Variants in SLFN11 observed in about 807,000 individuals in gnomAD.
SLFN11 encodes the protein schlafen family member 11.
In SLFN11, 43 loss-of-function variants were observed where a neutral mutation model predicts 53.4. The observed-to-expected ratio is 0.80, with a 90% CI of 0.63 to 1.04. SLFN11 has a LOEUF of 1.04. SLFN11 is among the 50% of genes least tolerant of loss of function. The pLI, the probability that SLFN11 is intolerant of heterozygous loss-of-function variation, is 0.00. For missense variants in SLFN11, 990 were observed against 1,079.1 expected (o/e 0.92, Z 1.16); for synonymous variants, 389 against 394.7 (o/e 0.99, Z 0.17).
In SLFN11 at chr17:35,352,676, A is replaced by T. The variant is rs371750493; in HGVS notation, c.2386T>A (p.Cys796Ser). Residue 796 changes from cysteine (C) to serine (S), a missense_variant, in exon 7 of 7, where the codon TGC becomes AGC. Coordinates refer to ENST00000685675, the MANE Select transcript of SLFN11 (RefSeq NM_001376007.1). The part of the protein sequence containing the change: ...EQIMTCVADT[C>S]RRFFDRGYSP... ...TAGCCCCTATCAAAGAAGCGCCTGC[A>T]CGTGTCTGCCACACAGGTCATTATT... 2 of 1,613,890 alleles carry T rather than the reference A, an allele frequency of 1.2e-6. No individual in the cohort carries two copies. The highest frequency in any genetic ancestry group is 2.7e-5 in the African/African-American group (2 of 74,920).
chr17:35,360,170 A>T, intron 5 of SLFN11, 73 bp downstream of exon 5: 1 of 1,484,542 alleles, frequency 6.7e-7, no homozygotes, highest in East Asian at 2.3e-5. Flanking sequence ...TTTACAAAAC[A>T]AATATTATAG....
At chr17:35,369,738 C>T (rs1909421708) in intron 1 of SLFN11, among the ~76,000 whole-genome samples, 1 of 152,080 alleles carries the variant, frequency 6.6e-6, no homozygotes, top group Admixed American at 6.5e-5. Context: ...CTACTATGAG[C>T]AACTGTATGC....
In SLFN11 at chr17:35,352,845, C is replaced by G; in HGVS notation, c.2217G>C (p.Lys739Asn). ...RIVRNADPIA[K>N]YLQKEMQVIR... ...TTACTTGCATTTCTTTTTGTAAGTA[C>G]TTGGCTATTGGATCTGCATTGCGAA... The change falls in exon 7 of 7, where the codon AAG (lysine) becomes AAC (asparagine). Residue 739 changes from lysine to asparagine, a missense_variant. Around this residue, in one of 3 missense-constraint regions of SLFN11, gnomAD observed 313 missense variants for 320.9 expected, o/e 0.98. Coordinates refer to ENST00000685675, the MANE Select transcript of SLFN11 (RefSeq NM_001376007.1). 1 of 1,614,214 alleles carries G rather than the reference C, an allele frequency of 6.2e-7. No homozygotes were observed.
intron 5 of SLFN11, among the ~76,000 whole-genome samples, chr17:35,359,539 T>C (rs1907936402): frequency 6.6e-6 from 1 of 152,042 alleles, no homozygotes; most frequent in South Asian, 2.1e-4. Flanking sequence ...AAGACAGCAA[T>C]GGATTCCTAA....
At chr17:35,355,863 C>T (rs1236748811) in intron 5 of SLFN11, among the ~76,000 whole-genome samples, 2 of 152,250 alleles carry the variant, frequency 1.3e-5, no homozygotes, top group East Asian at 1.9e-4. Flanking sequence ...ACTCCTCACC[C>T]TCCCCAGAAC....
chr17:35,353,587 G>C lies in SLFN11; in HGVS notation c.1671C>G (p.Val557=). 8.3e-7 allele frequency: 1 copy of C among 1,208,568 alleles called. No homozygotes were observed. The highest frequency in any genetic ancestry group is 1.1e-6 in the Non-Finnish European group (1 of 892,866). 74.9% of individuals were successfully genotyped at this position (1,208,568 alleles called of 1,614,324 possible). Reference sequence around the variant, plus strand: ...TCAAGAGAGACCTGAAGCCGAGTAAGACAATCACGAGGGACTGCAGCAGGG... The same window carrying C: ...TCAAGAGAGACCTGAAGCCGAGTAACACAATCACGAGGGACTGCAGCAGGG... ...MEALLQSLVI[V]LLGFRSLLSD... The change falls in exon 6 of 7, where the codon GTC becomes GTG. Residue 557 remains valine (V), a synonymous_variant. Transcript: ENST00000685675.
chr17:35,371,865 G>A (rs1909715805), intron 1 of SLFN11, among the ~76,000 whole-genome samples: 1 of 152,070 alleles, frequency 6.6e-6, no homozygotes, highest in Admixed American at 6.5e-5. Context: ...CTCAAACAGT[G>A]TTGGTGGGAA....
At position 35,352,435 on chromosome 17, in the gene SLFN11, G is replaced by C; in HGVS notation, c.2627C>G (p.Ala876Gly). The change falls in exon 7 of 7, where the codon GCT (alanine) becomes GGT (glycine). Residue 876 changes from alanine (A) to glycine (G), a missense_variant. By Grantham distance (60) the Ala-to-Gly change is moderately conservative (BLOSUM62 0). Transcript: ENST00000685675. ...ACAGATCAGAACATTGGGTAAGATA[G>C]CTGGGTCAGCTGTCCTTGGATGGAT... ...FGIHPRTADP[A>G]ILPNVLICLA... The C allele has an allele frequency of 6.2e-7, 1 of 1,614,236 alleles. No homozygotes were observed. The highest frequency in any genetic ancestry group is 1.3e-5 in the African/African-American group (1 of 75,044).
chr17:35,353,067 G>C lies in SLFN11; in HGVS notation c.1995C>G (p.Ile665Met). 6.2e-7 allele frequency: 1 copy of C among 1,614,160 alleles called. No homozygotes were observed. Among genetic ancestry groups the C allele is most frequent in the Non-Finnish European group, 8.5e-7 (1 of 1,180,042 alleles). The change falls in exon 7 of 7, where the codon ATC becomes ATG. Residue 665 changes from isoleucine (I) to methionine (M), a missense_variant. Physicochemically the swap from Ile to Met is conservative, Grantham distance 10. This residue lies in a region of SLFN11 where 313 missense variants were observed against 320.9 expected (regional missense o/e 0.98). Coordinates refer to ENST00000685675, the MANE Select transcript of SLFN11 (RefSeq NM_001376007.1). ...LRENFEHIQH[I>M]VIDEAQNFRT... ...GGAAATTCTGAGCTTCGTCAATGAC[G>C]ATGTGTTGAATGTGTTCAAAGTTTT...
In SLFN11 at chr17:35,352,314, C is replaced by T; in HGVS notation, c.*42G>A. 2 of 1,598,384 alleles carry T rather than the reference C, an allele frequency of 1.3e-6. No individual in the cohort carries two copies. Among genetic ancestry groups the T allele is most frequent in the Non-Finnish European group, 1.7e-6 (2 of 1,169,162 alleles). ...AAGGTTTCTACCATCAGCAGACTGT[C>T]ACCCATAGACATTTACATAGCATTT... is the stretch of plus-strand genomic sequence containing the variant. On this transcript the variant is annotated 3_prime_UTR_variant, in exon 7 of 7. Transcript: ENST00000685675.
rs560500983 is a variant in SLFN11 at position 35,373,025 on chromosome 17, G to T, written c.-235+449C>A. On this transcript the variant is annotated intron_variant, in intron 1 of 6. Transcript: ENST00000685675. ...ATATTAAGGAAAATAGTTTAGAGTG[G>T]TTGGTCGGTCACATAGACAGCTGTA... 5.3e-5 allele frequency among the ~76,000 whole-genome samples: 8 copies of T among 152,180 alleles called. No homozygotes were observed. In the South Asian group the frequency reaches 1.5e-3, roughly 28 times the overall value.
rs1052808847 is a variant in SLFN11 at position 35,363,220 on chromosome 17, T to G, written c.588A>C (p.Lys196Asn). 6.2e-7 allele frequency: 1 copy of G among 1,614,082 alleles called. No homozygotes were observed. Among genetic ancestry groups the G allele is most frequent in the East Asian group, 2.2e-5 (1 of 44,882 alleles). Residue 196 changes from lysine (K) to asparagine (N), a missense_variant, in exon 4 of 7, where the codon AAA becomes AAC. By Grantham distance (94) the Lys-to-Asn change is moderately conservative (BLOSUM62 0). Transcript: ENST00000685675. Reference protein sequence around the residue: ...NSDPADLIFQKDYLEYGEILP... With the variant: ...NSDPADLIFQNDYLEYGEILP... ...GGATTTCACCATATTCAAGATAGTC[T>G]TTTTGGAAAATTAGGTCAGCAGGAT...
In SLFN11 at chr17:35,367,684, G is replaced by T. The variant is rs1909127732; in HGVS notation, c.-218C>A. On this transcript the variant is annotated 5_prime_UTR_variant, in exon 2 of 7. Coordinates refer to ENST00000685675, the MANE Select transcript of SLFN11 (RefSeq NM_001376007.1). Reference sequence around the variant, plus strand: ...CTTTCCACCAAAAGCAGTCCTGAAGGCTATGTATACAGAAACCTATGTAGA... The same window carrying T: ...CTTTCCACCAAAAGCAGTCCTGAAGTCTATGTATACAGAAACCTATGTAGA... The T allele has an allele frequency of 6.6e-6, 1 of 152,082 alleles. No homozygotes were observed. Among genetic ancestry groups the T allele is most frequent in the Non-Finnish European group, 1.5e-5 (1 of 68,006 alleles). The allele number at this position is 152,082 out of a possible 1,614,324, so 9.4% of individuals were successfully genotyped here.
rs1906769471 is a variant in SLFN11, at chr17:35,352,243, CTT to C, written c.*111_*112del. The C allele has an allele frequency of 7.3e-7, 1 of 1,375,826 alleles. No homozygotes were observed. Among genetic ancestry groups the C allele is most frequent in the Non-Finnish European group, 9.9e-7 (1 of 1,007,022 alleles). The allele number at this position is 1,375,826 out of a possible 1,614,324, so 85.2% of individuals were successfully genotyped here. A position where few individuals can be genotyped will look rare whatever the true frequency, so the allele number is the denominator to read the frequency against. On this transcript the variant is annotated 3_prime_UTR_variant, in exon 7 of 7. Transcript: ENST00000685675. Reference sequence around the variant, plus strand: ...GCCAGAAATGGGGGAGCTCCAAACTCTTTGTGTCAGCTCCGTCCAAATCTCTG... The same window carrying C: ...GCCAGAAATGGGGGAGCTCCAAACTCTGTGTCAGCTCCGTCCAAATCTCTG...
In SLFN11 at chr17:35,352,317, C is replaced by CCATTTA; in HGVS notation, c.*38_*39insTAAATG. ...GTTTCTACCATCAGCAGACTGTCACCCATAGACATTTACATAGCATTTTGA... is the reference window on the plus strand; with the variant it reads ...GTTTCTACCATCAGCAGACTGTCACCCATTTACATAGACATTTACATAGCATTTTGA... On this transcript the variant is annotated 3_prime_UTR_variant, in exon 7 of 7. Transcript: ENST00000685675. The CCATTTA allele has an allele frequency of 6.2e-7, 1 of 1,603,878 alleles. No individual in the cohort carries two copies. Among genetic ancestry groups the CCATTTA allele is most frequent in the Non-Finnish European group, 8.5e-7 (1 of 1,172,702 alleles).
At chr17:35,357,143 T>C (rs983133233) in intron 5 of SLFN11, among the ~76,000 whole-genome samples, 8 of 104,574 alleles carry the variant, frequency 7.7e-5, no homozygotes, top group African/African-American at 2.6e-4. Context: ...TCTGTGCGTG[T>C]GTGTGTGTGT....
At chr17:35,367,222 C>T (rs1024316746) in intron 2 of SLFN11, 159 bp from the exon 3 acceptor site, 2 of 152,030 alleles carry the variant, frequency 1.3e-5, no homozygotes, top group African/African-American at 4.8e-5. Flanking sequence ...ATATTCCTTT[C>T]GATGTACAGG....
Position 35,353,718 on chromosome 17 carries a change from C to G in SLFN11, c.1540G>C (p.Val514Leu). ...CTGCTCTCAGGACTCAGGCAGAGGA[C>G]CTTGGCCCTGACACACACCTTCCCG... ...YTGKVCVRAK[V>L]LCLSPESSAE... The change falls in exon 6 of 7, where the codon GTC (valine) becomes CTC (leucine). Residue 514 changes from valine to leucine, a missense_variant. This residue lies in a region of SLFN11 where 156 missense variants were observed against 241.9 expected (regional missense o/e 0.64). Transcript: ENST00000685675. The G allele has an allele frequency of 6.9e-7, 1 of 1,446,052 alleles. No individual in the cohort carries two copies. Among genetic ancestry groups the G allele is most frequent in the African/African-American group, 1.5e-5 (1 of 65,134 alleles). 89.6% of individuals were successfully genotyped at this position (1,446,052 alleles called of 1,614,324 possible).
Position 35,363,272 on chromosome 17 carries a change from T to C in SLFN11, c.536A>G (p.Asn179Ser). 1 of 1,614,040 alleles carries C rather than the reference T, an allele frequency of 6.2e-7. No homozygotes were observed. Among genetic ancestry groups the C allele is most frequent in the Non-Finnish European group, 8.5e-7 (1 of 1,179,988 alleles). ...IHKGVYQELP[N>S]SDPADPNSDP... ...CGAGTTTGGGTCAGCAGGATCCGAG[T>C]TAGGGAGCTCTTGGTATACACCCTT... is the stretch of plus-strand genomic sequence containing the variant. Residue 179 changes from asparagine to serine, a missense_variant, in exon 4 of 7, where the codon AAC (asparagine) becomes AGC (serine). Asn to Ser is a conservative substitution (Grantham distance 46, BLOSUM62 1). Around this residue, in one of 3 missense-constraint regions of SLFN11, gnomAD observed 521 missense variants for 516.2 expected, o/e 1.01. Coordinates refer to ENST00000685675, the MANE Select transcript of SLFN11 (RefSeq NM_001376007.1).
Sources: allele counts gnomAD v4.1 joint callset (sites outside exome capture counted in the v4.1 genomes callset), GRCh38; gene constraint gnomAD v4.1.1; regional missense constraint gnomAD v4.1.1; transcripts MANE v1.5; gene names NCBI Gene and HGNC (gene_info 2026-07-23, HGNC 2026-07-21).